Variants in BDH1 observed in about 807,000 individuals in gnomAD.
The protein encoded by BDH1 is 3-hydroxybutyrate dehydrogenase 1.
A neutral mutation model predicts 33.1 loss-of-function variants in BDH1; 30 were observed. That is an observed-to-expected ratio of 0.91 (90% confidence interval 0.68 to 1.23). The LOEUF (loss-of-function observed/expected upper bound fraction) is 1.23, where lower values mean the gene tolerates loss of function less well. Among genes scored for constraint, BDH1 ranks in the 50% most tolerant of loss-of-function variants. The pLI, the probability that BDH1 is intolerant of heterozygous loss-of-function variation, is 0.00. For missense variants in BDH1, 443 were observed against 464.4 expected (o/e 0.95, Z 0.42); for synonymous variants, 190 against 183.6 (o/e 1.03, Z -0.28).
rs1215147593 is a variant in BDH1, at chr3:197,520,699, C to T, written c.409+1941G>A. Among the ~76,000 whole-genome samples the T allele has an allele frequency of 6.6e-6, 1 of 152,100 alleles. No homozygotes were observed. Among genetic ancestry groups the T allele is most frequent in the East Asian group, 1.9e-4 (1 of 5,174 alleles). On this transcript the variant is annotated intron_variant, in intron 6 of 7. Coordinates refer to ENST00000392379, the MANE Select transcript of BDH1 (RefSeq NM_203314.3). The surrounding 1 kb of genome is among the most constrained non-coding windows in gnomAD (Gnocchi z 6.0). ...TGGTGCCGATGCAGCTGTTTTCCTG[C>T]CCAGTAGTTTATGAAGGAAAATATA... is the stretch of plus-strand genomic sequence containing the variant.
At chr3:197,550,888 A>G (rs773904431) in intron 2 of BDH1, among the ~76,000 whole-genome samples, 13 of 152,210 alleles carry the variant, frequency 8.5e-5, no homozygotes, top group Non-Finnish European at 1.6e-4. Flanking sequence ...CACCAAATCA[A>G]TAGTAGCTAA....
At chr3:197,514,000 G>A (rs1303640902) in intron 7 of BDH1, among the ~76,000 whole-genome samples, 3 of 152,202 alleles carry the variant, frequency 2.0e-5, no homozygotes, top group African/African-American at 7.2e-5. Flanking sequence ...TAGATTAGGT[G>A]TGCAGAGTGG....
In BDH1 at chr3:197,526,676, C is replaced by G. The variant is rs977300607; in HGVS notation, c.268-3895G>C. ...TTAAGGTGACTCCAAGCAGCTCTCTCCACTGTCCACACAGGGCCAGGCAAC... is the reference window on the plus strand; with the variant it reads ...TTAAGGTGACTCCAAGCAGCTCTCTGCACTGTCCACACAGGGCCAGGCAAC... On this transcript the variant is annotated intron_variant, in intron 5 of 7. Coordinates refer to ENST00000392379, the MANE Select transcript of BDH1 (RefSeq NM_203314.3). The surrounding 1 kb of genome is among the most constrained non-coding windows in gnomAD (Gnocchi z 4.7). 3.3e-5 allele frequency among the ~76,000 whole-genome samples: 5 copies of G among 152,228 alleles called. No homozygotes were observed. The highest frequency in any genetic ancestry group is 1.2e-4 in the African/African-American group (5 of 41,456).
upstream of BDH1, among the ~76,000 whole-genome samples, chr3:197,558,733 CAT>C (rs1249404267): frequency 6.6e-6 from 1 of 152,220 alleles, no homozygotes. Flanking sequence ...ACTCCAAACA[CAT>C]AGAAACCCAG....
intron 6 of BDH1, chr3:197,515,879 G>C (rs1712653615): frequency 5.4e-6 from 1 of 185,494 alleles, no homozygotes; most frequent in Admixed American, 6.5e-5. Flanking sequence ...CTCCAGCCTG[G>C]GTGACAGAGC....
chr3:197,562,661 C>A (rs2108774202), intron 1 of BDH1, among the ~76,000 whole-genome samples: 1 of 152,144 alleles, frequency 6.6e-6, no homozygotes, highest in Admixed American at 6.5e-5. Flanking sequence ...AGGCTGGAAA[C>A]AACTCAGTGA....
intron 2 of BDH1, among the ~76,000 whole-genome samples, chr3:197,548,648 C>T (rs111907432): frequency 7.8e-4 from 118 of 151,600 alleles, no homozygotes; most frequent in Middle Eastern, 3.4e-3. Context: ...GTCATGAGTT[C>T]GAGACCAGCC....
intron 1 of BDH1, among the ~76,000 whole-genome samples, chr3:197,568,498 T>A (rs919225795): frequency 6.6e-6 from 1 of 152,042 alleles, no homozygotes; most frequent in African/African-American, 2.4e-5. Flanking sequence ...CTGAAATCTG[T>A]GGATGAATGA....
Position 197,522,090 on chromosome 3 carries a change from C to T in BDH1, c.409+550G>A, listed in dbSNP as rs1294823001. Among the ~76,000 whole-genome samples, 3 of 152,166 alleles carry T rather than the reference C, an allele frequency of 2.0e-5. No individual in the cohort carries two copies. Among genetic ancestry groups the T allele is most frequent in the African/African-American group, 7.2e-5 (3 of 41,424 alleles). On this transcript the variant is annotated intron_variant, in intron 6 of 7. Coordinates refer to ENST00000392379, the MANE Select transcript of BDH1 (RefSeq NM_203314.3). This position sits in a 1 kb window ranked among gnomAD's most constrained non-coding sequence, Gnocchi z 4.8. ...CCACTTGACCAACAGCCCCCGCTAC[C>T]CTCCCCGTGCTCCTCGAAGCTGTGG...
rs1713547050 is a variant in BDH1 at position 197,521,507 on chromosome 3, C to G, written c.409+1133G>C. On this transcript the variant is annotated intron_variant, in intron 6 of 7. Coordinates refer to ENST00000392379, the MANE Select transcript of BDH1 (RefSeq NM_203314.3). This position sits in a 1 kb window ranked among gnomAD's most constrained non-coding sequence, Gnocchi z 4.9. ...ACCTCTCTGACAGCTGCCTCTCCCC[C>G]TCCTCTGATCCCCGAACACTCACAT... Among the ~76,000 whole-genome samples the G allele has an allele frequency of 1.3e-5, 2 of 152,168 alleles. No homozygotes were observed. The highest frequency in any genetic ancestry group is 1.3e-4 in the Admixed American group (2 of 15,286).
At chr3:197,515,295 T>G (rs1712576153) in intron 6 of BDH1, 1 of 985,384 alleles carries the variant, frequency 1.0e-6, no homozygotes, top group South Asian at 4.7e-5. Context: ...AGAGTGTCCA[T>G]GAAGAGCTCA....
At chr3:197,527,833 G>T (rs916871754) in intron 5 of BDH1, among the ~76,000 whole-genome samples, 1 of 150,800 alleles carries the variant, frequency 6.6e-6, no homozygotes, top group African/African-American at 2.4e-5. Flanking sequence ...CACCTCCTTG[G>T]TTTCTGTGAC....
At chr3:197,571,937 C>CAGGTCTCCATAATGGCTGAACAGGT (rs1440856316) in intron 1 of BDH1, among the ~76,000 whole-genome samples, 2 of 152,076 alleles carry the variant, frequency 1.3e-5, no homozygotes, top group Non-Finnish European at 2.9e-5. Flanking sequence ...TGTGGCAGGC[C>CAGGTCTCCATAATGGCTGAACAGGT]AGGTCTCCAT....
intron 5 of BDH1, among the ~76,000 whole-genome samples, chr3:197,524,014 G>A (rs1467243099): frequency 6.6e-6 from 1 of 152,192 alleles, no homozygotes; most frequent in Non-Finnish European, 1.5e-5. Flanking sequence ...ACTGTCCTGA[G>A]CACTGTGCTA....
At position 197,512,069 on chromosome 3, in the gene BDH1, G is replaced by A. The variant is rs535608035; in HGVS notation, c.858C>T (p.Thr286=). Residue 286 remains threonine (T), a synonymous_variant, in exon 8 of 8, where the codon ACC becomes ACT. Transcript: ENST00000392379. ...TGTCTGTGGAGCCACTGCTGCAGTA[G>A]GTCTCCATCTTGGCGATCTTTTCAT... The part of the protein sequence containing the change: ...YFDEKIAKME[T]YCSSGSTDTS... 3 of 1,614,188 alleles carry A rather than the reference G, an allele frequency of 1.9e-6. No homozygotes were observed. Among genetic ancestry groups the A allele is most frequent in the South Asian group, 2.2e-5 (2 of 91,086 alleles).
rs3061417 is a variant in BDH1 at position 197,549,986 on chromosome 3, T to TA, written c.-43-3501_-43-3500insT. On this transcript the variant is annotated intron_variant, in intron 2 of 7. Transcript: ENST00000392379. ...TAATCAAATAACTATTATATATATA[T>TA]TTGGCCATTCCTCTTCCGAACATTT... Among the ~76,000 whole-genome samples the TA allele has an allele frequency of 1.7e-3, 261 of 149,328 alleles. 1 individual carries two copies. Among genetic ancestry groups the TA allele is most frequent in the African/African-American group, 6.4e-3 (251 of 39,332 alleles).
chr3:197,546,255 A>C, intron 3 of BDH1, 106 bp downstream of exon 3: 1 of 1,079,810 alleles, frequency 9.3e-7, no homozygotes, highest in Non-Finnish European at 1.4e-6. Context: ...ATTGAGAGAC[A>C]TCTCTGAGAA....
chr3:197,533,525 C>T lies in BDH1; in HGVS notation c.120G>A (p.Pro40=), dbSNP rs548695079. 47 of 1,614,220 alleles carry T rather than the reference C, an allele frequency of 2.9e-5. No individual in the cohort carries two copies. The South Asian group carries it at 4.0e-4, about 14-fold the overall frequency. The stretch of plus-strand genomic sequence containing the variant: ...CACTGGCATAAGTCCGACGGCCAAT[C>T]GGGATAAAGGAAGTAGAACCAAGCA... ...PLLLGSTSFI[P]IGRRTYASAA... Residue 40 remains proline, a synonymous_variant, in exon 4 of 8, where the codon CCG becomes CCA. Coordinates refer to ENST00000392379, the MANE Select transcript of BDH1 (RefSeq NM_203314.3).
At chr3:197,524,842 C>T (rs973912596) in intron 5 of BDH1, among the ~76,000 whole-genome samples, 4 of 152,068 alleles carry the variant, frequency 2.6e-5, no homozygotes, top group Admixed American at 1.3e-4. Context: ...TACCTAACAC[C>T]GCTTCCGTTC....
Sources: gnomAD v4.1 joint callset for allele counts (sites outside exome capture counted in the v4.1 genomes callset) on GRCh38, gnomAD v4.1.1 for gene constraint, Gnocchi (gnomAD v3.1) non-coding constraint, MANE v1.5 for transcripts, NCBI Gene and HGNC (gene_info 2026-07-23, HGNC 2026-07-21) for gene names.